The following THADA variants were observed in gnomAD, a reference collection of about 807,000 sequenced individuals.
The protein encoded by THADA is THADA armadillo repeat containing, also known as tRNA (32-2'-O)-methyltransferase regulator THADA.
In THADA, 213 loss-of-function variants were observed where a neutral mutation model predicts 219.8. The ratio of observed to expected loss-of-function variants is 0.97; its 90% CI spans 0.87 to 1.09. The LOEUF is 1.09. THADA is among the 50% of genes least tolerant of loss of function. THADA has a pLI of 0.00. For synonymous variants in THADA, 1,018 were observed against 828.9 expected (o/e 1.23, Z -3.92); for missense variants, 2,956 against 2,311.3 (o/e 1.28, Z -5.72).
intron 29 of THADA, among the ~76,000 whole-genome samples, chr2:43,348,785 A>T (rs539027827): frequency 1.1e-3 from 162 of 152,328 alleles, no homozygotes; most frequent in Non-Finnish European, 1.9e-3. Context: ...AGGGAGGGGA[A>T]TTAATGAGTT....
chr2:43,249,004 C>A (rs1669544926), intron 36 of THADA, among the ~76,000 whole-genome samples: 1 of 152,170 alleles, frequency 6.6e-6, no homozygotes, highest in African/African-American at 2.4e-5. Flanking sequence ...TTTTTAAACA[C>A]CTCTCAAACT....
At chr2:43,408,352 G>C (rs1400651004) in intron 28 of THADA, 1 of 152,194 alleles carries the variant, frequency 6.6e-6, no homozygotes. Context: ...ACGATACTGA[G>C]AAGATTAGGT....
At position 43,570,522 on chromosome 2, in the gene THADA, A is replaced by T; in HGVS notation, c.2065-12T>A. On this transcript the variant is annotated splice_polypyrimidine_tract_variant and intron_variant, in intron 13 of 37. Coordinates refer to ENST00000405975, the MANE Select transcript of THADA (RefSeq NM_022065.5). ...ATCCTACAAAACAACTTTTGAAACAAAGGAAATGAAGCACAGGTGAGCCAC... is the reference window on the plus strand; with the variant it reads ...ATCCTACAAAACAACTTTTGAAACATAGGAAATGAAGCACAGGTGAGCCAC... The T allele has an allele frequency of 6.2e-7, 1 of 1,602,838 alleles. No homozygotes were observed. Among genetic ancestry groups the T allele is most frequent in the Non-Finnish European group, 8.5e-7 (1 of 1,176,770 alleles).
intron 29 of THADA, among the ~76,000 whole-genome samples, chr2:43,347,045 C>G (rs902055191): frequency 5.3e-5 from 8 of 152,090 alleles, no homozygotes; most frequent in African/African-American, 1.7e-4. Context: ...AGAGCTGAAT[C>G]ACGCCGTACT....
At chr2:43,592,078 T>C in intron 2 of THADA, 32 bp from the exon 3 acceptor site, 1 of 1,490,368 alleles carries the variant, frequency 6.7e-7, no homozygotes. Context: ...AAATTTTCAA[T>C]GATTTAACAG....
At chr2:43,537,662 C>T (rs889652393) in intron 21 of THADA, among the ~76,000 whole-genome samples, 2 of 152,088 alleles carry the variant, frequency 1.3e-5, no homozygotes, top group African/African-American at 2.4e-5. Flanking sequence ...AAAGTTACAA[C>T]AGAATCTAAC....
chr2:43,282,715 A>C (rs894118324), intron 35 of THADA, among the ~76,000 whole-genome samples: 22 of 152,208 alleles, frequency 1.4e-4, no homozygotes, highest in African/African-American at 5.1e-4. Context: ...AAAGCAAAAC[A>C]AAAAACAAAA....
At chr2:43,595,880 G>A (rs1302576764) in intron 1 of THADA, 51 bp downstream of exon 1, 1 of 152,248 alleles carries the variant, frequency 6.6e-6, no homozygotes, top group Non-Finnish European at 1.5e-5. Flanking sequence ...AGCAAAACTG[G>A]CCGAGCCGAG....
intron 26 of THADA, among the ~76,000 whole-genome samples, chr2:43,454,642 T>C (rs951055415): frequency 5.9e-5 from 9 of 151,408 alleles, no homozygotes; most frequent in African/African-American, 2.2e-4. Flanking sequence ...AAATTACACA[T>C]ACATGGTTAT....
At chr2:43,510,410 T>C (rs937074843) in intron 22 of THADA, among the ~76,000 whole-genome samples, 24 of 152,250 alleles carry the variant, frequency 1.6e-4, no homozygotes, top group African/African-American at 5.5e-4. Context: ...TTTTTCATAA[T>C]GAAAATAATT....
At chr2:43,363,359 T>C (rs1669744147) in intron 29 of THADA, among the ~76,000 whole-genome samples, 1 of 152,224 alleles carries the variant, frequency 6.6e-6, no homozygotes, top group Non-Finnish European at 1.5e-5. Flanking sequence ...TATAATCTTA[T>C]GGGACCACTG....
chr2:43,378,514 C>T (rs888479225), intron 29 of THADA, among the ~76,000 whole-genome samples: 1 of 152,090 alleles, frequency 6.6e-6, no homozygotes, highest in African/African-American at 2.4e-5. Flanking sequence ...ATCTTAAATG[C>T]CACAAAAACT....
At chr2:43,452,695 C>G (rs546627600) in intron 26 of THADA, among the ~76,000 whole-genome samples, 4 of 152,130 alleles carry the variant, frequency 2.6e-5, no homozygotes, top group African/African-American at 9.7e-5. Flanking sequence ...GCTTCTACTC[C>G]GACACACTGA....
In THADA at chr2:43,543,536, G is replaced by T. The variant is rs1165714815; in HGVS notation, c.3107-2220C>A. On this transcript the variant is annotated intron_variant, in intron 20 of 37. Coordinates refer to ENST00000405975, the MANE Select transcript of THADA (RefSeq NM_022065.5). The stretch of plus-strand genomic sequence containing the variant: ...TTTCTCCACATCCTCTCCAGCACCT[G>T]TTGTTTCCTGACTTTTTAATGATTG... 4.6e-5 allele frequency among the ~76,000 whole-genome samples: 7 copies of T among 151,240 alleles called. No individual in the cohort carries two copies. In the East Asian group the frequency reaches 1.4e-3, roughly 29 times the overall value.
At chr2:43,475,818 T>A (rs1685465934) in intron 26 of THADA, among the ~76,000 whole-genome samples, 1 of 152,184 alleles carries the variant, frequency 6.6e-6, no homozygotes, top group Admixed American at 6.5e-5. Flanking sequence ...CTTTTAATAA[T>A]TACATAAAGA....
chr2:43,434,859 AAC>A (rs1679863282), intron 26 of THADA, among the ~76,000 whole-genome samples: 1 of 152,212 alleles, frequency 6.6e-6, no homozygotes, highest in Non-Finnish European at 1.5e-5. Context: ...TGAGCTGACT[AAC>A]ACAAGCTGCC....
chr2:43,585,069 A>C (rs1188602609), intron 7 of THADA, among the ~76,000 whole-genome samples: 5 of 152,174 alleles, frequency 3.3e-5, no homozygotes, highest in Non-Finnish European at 5.9e-5. Context: ...AAGCAAAAAG[A>C]TTTAAACGTA....
rs142319903 is a variant in THADA at position 43,507,739 on chromosome 2, A to C, written c.3507+909T>G. Reference sequence around the variant, plus strand: ...TTATACCACCATATTCCCGGATTTAATCTTACTATATATTAACCAAAGGTC... The same window carrying C: ...TTATACCACCATATTCCCGGATTTACTCTTACTATATATTAACCAAAGGTC... On this transcript the variant is annotated intron_variant, in intron 23 of 37. Transcript: ENST00000405975. Among the ~76,000 whole-genome samples the C allele has an allele frequency of 2.6e-3, 400 of 152,298 alleles. 2 individuals carry two copies. Among genetic ancestry groups the C allele is most frequent in the Middle Eastern group, 0.01 (3 of 294 alleles).
chr2:43,511,013 T>A (rs1361091805), intron 22 of THADA, among the ~76,000 whole-genome samples: 2 of 151,938 alleles, frequency 1.3e-5, no homozygotes. Context: ...GCAAAAATTT[T>A]TTTTTGGTGA....
Sources: allele counts gnomAD v4.1 joint callset (sites outside exome capture counted in the v4.1 genomes callset), GRCh38; gene constraint gnomAD v4.1.1; transcripts MANE v1.5; gene names NCBI Gene and HGNC (gene_info 2026-07-23, HGNC 2026-07-21).